Variants in ZNF704 observed in about 807,000 individuals in gnomAD.
ZNF704 encodes zinc finger protein 704.
Under a neutral mutation model 44.7 loss-of-function variants are expected in ZNF704, and 10 were observed. The ratio of observed to expected loss-of-function variants is 0.22; its 90% confidence interval spans 0.14 to 0.38. ZNF704 has a LOEUF of 0.38. Among genes scored for constraint, ZNF704 ranks in the 10% least tolerant of loss-of-function variants. The pLI, the probability that ZNF704 is intolerant of heterozygous loss-of-function variation, is 1.00. For missense variants in ZNF704, 390 were observed against 545.5 expected (o/e 0.71, Z 2.84); for synonymous variants, 211 against 207.6 (o/e 1.02, Z -0.14).
intron 2 of ZNF704, among the ~76,000 whole-genome samples, chr8:80,721,318 G>A (rs950960860): frequency 6.6e-6 from 1 of 152,186 alleles, no homozygotes; most frequent in African/African-American, 2.4e-5. Flanking sequence ...TAAAAAGGAA[G>A]AAAAATGCAG....
chr8:80,696,563 A>G (rs1351491864), intron 2 of ZNF704, among the ~76,000 whole-genome samples: 1 of 152,070 alleles, frequency 6.6e-6, no homozygotes, highest in Non-Finnish European at 1.5e-5. Flanking sequence ...GATTACAGGC[A>G]TGTGTCACCA....
chr8:80,858,708 AAAC>A (rs1326891233), intron 1 of ZNF704, among the ~76,000 whole-genome samples: 1 of 152,156 alleles, frequency 6.6e-6, no homozygotes, highest in East Asian at 1.9e-4. Flanking sequence ...AAAACAAACA[AAAC>A]AACAACAACA....
intron 7 of ZNF704, among the ~76,000 whole-genome samples, chr8:80,647,351 G>A (rs1351007852): frequency 6.6e-6 from 1 of 152,196 alleles, no homozygotes; most frequent in East Asian, 1.9e-4. Context: ...CACTTTGTGG[G>A]AGGTGGAGGG....
chr8:80,654,531 G>T (rs1178125870), intron 7 of ZNF704, among the ~76,000 whole-genome samples: 1 of 152,130 alleles, frequency 6.6e-6, no homozygotes, highest in Non-Finnish European at 1.5e-5. Flanking sequence ...GTGGGCGAAG[G>T]ATATGAACAG....
intron 2 of ZNF704, among the ~76,000 whole-genome samples, chr8:80,737,771 TG>T (rs1806690652): frequency 6.6e-6 from 1 of 152,150 alleles, no homozygotes; most frequent in Non-Finnish European, 1.5e-5. Flanking sequence ...ACCCTTAACA[TG>T]GTTTCATTTT....
chr8:80,678,595 T>A (rs1247105514), intron 4 of ZNF704, among the ~76,000 whole-genome samples: 2 of 152,218 alleles, frequency 1.3e-5, no homozygotes. Flanking sequence ...TGTATATTCA[T>A]TCATCACACA....
upstream of ZNF704, among the ~76,000 whole-genome samples, chr8:80,877,616 G>T (rs1809372257): frequency 6.6e-6 from 1 of 152,166 alleles, no homozygotes. Flanking sequence ...GTGCCTCTGA[G>T]CCATGGGATA....
At position 80,817,982 on chromosome 8, in the gene ZNF704, G is replaced by A. The variant is rs537631725; in HGVS notation, c.221+3392C>T. ...TCACTCATCATTTTTACTGAGTACT[G>A]GGTTTGTAGCAGGTACTCAAGAAAA... On this transcript the variant is annotated intron_variant, in intron 2 of 8. Coordinates refer to ENST00000327835, the MANE Select transcript of ZNF704 (RefSeq NM_001033723.3). Among the ~76,000 whole-genome samples the A allele has an allele frequency of 4.6e-5, 7 of 152,242 alleles. No individual in the cohort carries two copies. The East Asian group carries it at 1.3e-3, about 29-fold the overall frequency.
At chr8:80,782,908 C>T (rs528658750) in intron 2 of ZNF704, among the ~76,000 whole-genome samples, 6 of 151,950 alleles carry the variant, frequency 3.9e-5, no homozygotes, top group African/African-American at 7.2e-5. Context: ...ACATGGAACC[C>T]GCCCATATGG....
chr8:80,870,669 A>G (rs1042410858), intron 1 of ZNF704, among the ~76,000 whole-genome samples: 2 of 152,034 alleles, frequency 1.3e-5, no homozygotes, highest in African/African-American at 4.8e-5. Context: ...TGGCTTCTCC[A>G]TTTACACCCA....
Position 80,871,645 on chromosome 8 carries a change from A to C in ZNF704, c.-22+2926T>G, listed in dbSNP as rs143761643. On this transcript the variant is annotated intron_variant, in intron 1 of 8. Transcript: ENST00000327835. ...AGGAAGGTGTCCACTGCTATGTTCT[A>C]GAATAGCTGCTAGCACATAATAGGT... Among the ~76,000 whole-genome samples, 286 of 152,362 alleles carry C rather than the reference A, an allele frequency of 1.9e-3. 1 individual carries two copies. The highest frequency in any genetic ancestry group is 6.8e-3 in the Middle Eastern group (2 of 294).
intron 4 of ZNF704, among the ~76,000 whole-genome samples, chr8:80,675,448 C>T (rs1818349763): frequency 6.6e-6 from 1 of 151,312 alleles, no homozygotes. Context: ...AAGAGAGTGA[C>T]ACTGTATGAC....
rs1225398877 is a variant in ZNF704 at position 80,632,290 on chromosome 8, G to T, written c.*9076C>A. ...TTCTCCTGCCTCAGCCTCTCAAGTA[G>T]CTGGAATTACAGGTGTGCGCCACCA... On this transcript the variant is annotated 3_prime_UTR_variant, in exon 9 of 9. Coordinates refer to ENST00000327835, the MANE Select transcript of ZNF704 (RefSeq NM_001033723.3). The T allele has an allele frequency of 6.6e-6, 1 of 152,152 alleles. No homozygotes were observed. Among genetic ancestry groups the T allele is most frequent in the Non-Finnish European group, 1.5e-5 (1 of 68,054 alleles). 9.4% of individuals were successfully genotyped at this position (152,152 alleles called of 1,614,324 possible).
At chr8:80,673,714 T>C (rs761252114) in intron 4 of ZNF704, among the ~76,000 whole-genome samples, 1 of 152,180 alleles carries the variant, frequency 6.6e-6, no homozygotes, top group Non-Finnish European at 1.5e-5. Flanking sequence ...GGTTTCTGAA[T>C]TGAAAATGGT....
At chr8:80,662,883 A>G (rs565715096) in intron 6 of ZNF704, among the ~76,000 whole-genome samples, 3 of 152,366 alleles carry the variant, frequency 2.0e-5, no homozygotes, top group African/African-American at 7.2e-5. Context: ...AACAATAAGA[A>G]TGATTAAAAC....
intron 4 of ZNF704, among the ~76,000 whole-genome samples, chr8:80,674,607 A>T (rs1818334797): frequency 6.6e-6 from 1 of 152,144 alleles, no homozygotes; most frequent in Non-Finnish European, 1.5e-5. Flanking sequence ...GTCTCATGAG[A>T]GTGAGACTCT....
intron 7 of ZNF704, among the ~76,000 whole-genome samples, chr8:80,652,107 C>G: frequency 6.6e-6 from 1 of 152,194 alleles, no homozygotes; most frequent in Non-Finnish European, 1.5e-5. Context: ...TAAAAATGTT[C>G]TTTGAAACCA....
intron 2 of ZNF704, among the ~76,000 whole-genome samples, chr8:80,811,918 C>T (rs578119225): frequency 7.9e-5 from 12 of 152,120 alleles, no homozygotes; most frequent in Admixed American, 5.9e-4. Context: ...CTCAAAGGCA[C>T]GTGAACCCTA....
intron 4 of ZNF704, among the ~76,000 whole-genome samples, chr8:80,683,456 T>C (rs868180496): frequency 2.0e-5 from 3 of 152,212 alleles, no homozygotes; most frequent in African/African-American, 4.8e-5. Context: ...GCTCCCACCC[T>C]GCCACATAGC....
Sources: gnomAD v4.1 joint callset for allele counts (sites outside exome capture counted in the v4.1 genomes callset) on GRCh38, gnomAD v4.1.1 for gene constraint, MANE v1.5 for transcripts, NCBI Gene and HGNC (gene_info 2026-07-23, HGNC 2026-07-21) for gene names.